NELL1: variants seen among roughly 807,000 people sequenced by gnomAD.
NELL1 encodes neural EGFL like 1.
A neutral mutation model predicts 107.4 loss-of-function variants in NELL1; 76 were observed. The observed-to-expected ratio is 0.71, with a 90% CI of 0.59 to 0.86. NELL1 has a LOEUF of 0.86. Ranked by LOEUF, NELL1 falls within the 40% of genes least tolerant of loss-of-function variation. The pLI is 0.00. For missense variants in NELL1, 1,024 were observed against 1,005.5 expected, an observed-to-expected ratio of 1.02 and a Z score of -0.25; for synonymous variants, 353 against 341.2, an observed-to-expected ratio of 1.03 and a Z score of -0.38.
intron 12 of NELL1, among the ~76,000 whole-genome samples, chr11:20,996,311 C>G (rs1852089373): frequency 6.6e-6 from 1 of 152,186 alleles, no homozygotes; most frequent in Non-Finnish European, 1.5e-5. Flanking sequence ...TGTCAGAGGA[C>G]TGGAGTGACT....
In NELL1 at chr11:21,457,663, C is replaced by T. The variant is rs141925971; in HGVS notation, c.1646-76711C>T. 5.9e-5 allele frequency among the ~76,000 whole-genome samples: 9 copies of T among 152,050 alleles called. No homozygotes were observed. In the East Asian group the frequency reaches 7.7e-4, roughly 13 times the overall value. On this transcript the variant is annotated intron_variant, in intron 15 of 19. Coordinates refer to ENST00000357134, the MANE Select transcript of NELL1 (RefSeq NM_006157.5). Reference sequence around the variant, plus strand: ...AGTGGACATTTTACATAATTTGCTACGGTTTATGGAAGAAGTTGTACTAAA... The same window carrying T: ...AGTGGACATTTTACATAATTTGCTATGGTTTATGGAAGAAGTTGTACTAAA...
chr11:21,093,494 G>T (rs1278012762), intron 12 of NELL1, among the ~76,000 whole-genome samples: 2 of 152,052 alleles, frequency 1.3e-5, no homozygotes, highest in African/African-American at 4.8e-5. Context: ...CTTTCATATT[G>T]CCTCAGATCC....
At chr11:20,898,615 A>ATT (rs202236449) in intron 5 of NELL1, among the ~76,000 whole-genome samples, 1 of 143,114 alleles carries the variant, frequency 7.0e-6, no homozygotes, top group Admixed American at 7.0e-5. Context: ...GTCAACATCT[A>ATT]TTTTTTTTTT....
At chr11:21,573,113 C>T (rs1857142013) in intron 18 of NELL1, 72 bp from the exon 19 acceptor site, 1 of 1,149,926 alleles carries the variant, frequency 8.7e-7, no homozygotes. Flanking sequence ...GCTCTCTTTC[C>T]CCTTCTATGA....
chr11:21,194,981 G>C (rs1356325428), intron 13 of NELL1, among the ~76,000 whole-genome samples: 1 of 152,116 alleles, frequency 6.6e-6, no homozygotes. Context: ...AGCAGGTTAG[G>C]ACTAGAGTGT....
chr11:21,201,151 T>C (rs1333610490), intron 13 of NELL1, among the ~76,000 whole-genome samples: 1 of 152,208 alleles, frequency 6.6e-6, no homozygotes, highest in African/African-American at 2.4e-5. Flanking sequence ...AAAGTAGTTT[T>C]TTCTAATTCT....
intron 14 of NELL1, among the ~76,000 whole-genome samples, chr11:21,364,951 T>C (rs1414482183): frequency 6.6e-6 from 1 of 152,192 alleles, no homozygotes; most frequent in East Asian, 1.9e-4. Context: ...TTTCTTCTAT[T>C]AAGTACCTTT....
chr11:21,053,140 CT>C lies in NELL1; in HGVS notation c.1301-60446del, dbSNP rs1473840546. On this transcript the variant is annotated intron_variant, in intron 12 of 19. Transcript: ENST00000357134. ...ATGACCCATTGTTTTTATTATTATA[CT>C]TTAAGTTCTGGGATACGTGTACAGA... Among the ~76,000 whole-genome samples, 221 of 152,178 alleles carry C rather than the reference CT, an allele frequency of 1.5e-3. 1 individual carries two copies. Among genetic ancestry groups the C allele is most frequent in the East Asian group, 0.011 (59 of 5,154 alleles).
chr11:20,911,654 A>C (rs1272996791), intron 5 of NELL1, among the ~76,000 whole-genome samples: 1 of 152,174 alleles, frequency 6.6e-6, no homozygotes, highest in Non-Finnish European at 1.5e-5. Context: ...TCCCAGTGGA[A>C]ACATCAAAAG....
chr11:20,894,763 C>G (rs1055172497), intron 5 of NELL1, among the ~76,000 whole-genome samples: 3 of 152,090 alleles, frequency 2.0e-5, no homozygotes, highest in African/African-American at 7.2e-5. Context: ...AAAGAATACT[C>G]TAGGTACCTA....
chr11:21,098,381 G>A (rs1018988369), intron 12 of NELL1, among the ~76,000 whole-genome samples: 9 of 151,974 alleles, frequency 5.9e-5, no homozygotes, highest in African/African-American at 1.7e-4. Context: ...TCTTATTAAC[G>A]GTGAAAGGCA....
chr11:20,828,912 T>TC (rs1386807271), intron 3 of NELL1, among the ~76,000 whole-genome samples: 2 of 152,136 alleles, frequency 1.3e-5, no homozygotes, highest in Admixed American at 1.3e-4. Context: ...AGCCAAGATT[T>TC]TATTGGGAAA....
intron 4 of NELL1, among the ~76,000 whole-genome samples, chr11:20,848,274 G>C (rs755943629): frequency 3.3e-5 from 5 of 152,282 alleles, no homozygotes; most frequent in Non-Finnish European, 7.4e-5. Flanking sequence ...TTGATGCCAG[G>C]TATTTTCTCC....
At chr11:21,184,196 C>T (rs1311984316) in intron 13 of NELL1, among the ~76,000 whole-genome samples, 1 of 151,786 alleles carries the variant, frequency 6.6e-6, no homozygotes, top group Admixed American at 6.6e-5. Flanking sequence ...CCCACATTCC[C>T]TCCTACCCCA....
chr11:21,519,431 A>G (rs1164303156), intron 15 of NELL1, among the ~76,000 whole-genome samples: 1 of 152,134 alleles, frequency 6.6e-6, no homozygotes, highest in African/African-American at 2.4e-5. Context: ...TAATGGTGCT[A>G]GTCTGAGGAC....
intron 12 of NELL1, among the ~76,000 whole-genome samples, chr11:21,053,584 G>A (rs1853547190): frequency 6.6e-6 from 1 of 152,116 alleles, no homozygotes. Flanking sequence ...CTCAGTGTTA[G>A]CTTAGAAGTA....
intron 15 of NELL1, among the ~76,000 whole-genome samples, chr11:21,426,698 A>G (rs1034138463): frequency 6.6e-6 from 1 of 152,222 alleles, no homozygotes; most frequent in African/African-American, 2.4e-5. Flanking sequence ...GGTCAAGACA[A>G]ACATCAATAG....
At chr11:21,225,589 A>C (rs988739956) in intron 13 of NELL1, among the ~76,000 whole-genome samples, 2 of 152,126 alleles carry the variant, frequency 1.3e-5, no homozygotes, top group African/African-American at 4.8e-5. Flanking sequence ...ATTTGTGGTT[A>C]TCTACTGGTT....
chr11:21,266,899 A>G (rs992715169), intron 14 of NELL1, among the ~76,000 whole-genome samples: 4 of 152,096 alleles, frequency 2.6e-5, no homozygotes, highest in Admixed American at 6.6e-5. Context: ...TTATTTTTCA[A>G]TAGTGTGTAC....
Sources: gnomAD v4.1 joint callset for allele counts (sites outside exome capture counted in the v4.1 genomes callset) on GRCh38, gnomAD v4.1.1 for gene constraint, MANE v1.5 for transcripts, NCBI Gene and HGNC (gene_info 2026-07-23, HGNC 2026-07-21) for gene names.